The following ATRNL1 variants were observed in gnomAD, a reference collection of about 807,000 sequenced individuals.
ATRNL1 encodes the protein attractin like 1.
ATRNL1 carries 95 observed loss-of-function variants against 182.7 expected under a neutral mutation model. The ratio of observed to expected loss-of-function variants is 0.52; its 90% confidence interval spans 0.44 to 0.62. The LOEUF is 0.62. ATRNL1 is among the 20% of genes least tolerant of loss of function. The pLI, the probability that ATRNL1 is intolerant of heterozygous loss-of-function variation, is 0.00. For missense variants in ATRNL1, 1,471 were observed against 1,679.5 expected, an observed-to-expected ratio of 0.88 and a Z score of 2.17; for synonymous variants, 576 against 568.3, an observed-to-expected ratio of 1.01 and a Z score of -0.19.
chr10:115,933,327 C>T (rs1258206412), intron 28 of ATRNL1, among the ~76,000 whole-genome samples: 2 of 152,204 alleles, frequency 1.3e-5, no homozygotes, highest in African/African-American at 2.4e-5. Context: ...AAATACAAAC[C>T]ATAGCTGGTA....
At chr10:115,240,952 A>C (rs1294546920) in intron 9 of ATRNL1, among the ~76,000 whole-genome samples, 3 of 152,068 alleles carry the variant, frequency 2.0e-5, no homozygotes, top group Non-Finnish European at 2.9e-5. Context: ...CAATGAGTGC[A>C]ATCTATAGAC....
At chr10:115,610,907 T>C (rs1857120822) in intron 26 of ATRNL1, among the ~76,000 whole-genome samples, 1 of 152,184 alleles carries the variant, frequency 6.6e-6, no homozygotes, top group African/African-American at 2.4e-5. Flanking sequence ...ATTGTAACTT[T>C]AAATTAATAA....
At chr10:115,151,032 C>T (rs1846201674) in intron 5 of ATRNL1, among the ~76,000 whole-genome samples, 1 of 152,194 alleles carries the variant, frequency 6.6e-6, no homozygotes, top group Non-Finnish European at 1.5e-5. Context: ...TCATCCATGT[C>T]CCTACAAAGG....
At chr10:115,300,384 T>G (rs898337173) in intron 16 of ATRNL1, 137 bp downstream of exon 16, 14 of 628,120 alleles carry the variant, frequency 2.2e-5, no homozygotes, top group Admixed American at 7.0e-5. Flanking sequence ...CCCCACTTAC[T>G]ATTAGTGATC....
intron 25 of ATRNL1, among the ~76,000 whole-genome samples, chr10:115,544,181 T>A (rs1852517370): frequency 6.6e-6 from 1 of 152,154 alleles, no homozygotes; most frequent in Non-Finnish European, 1.5e-5. Context: ...ATGATACCCA[T>A]TAAACCCTTT....
intron 21 of ATRNL1, among the ~76,000 whole-genome samples, chr10:115,433,474 C>G (rs1462953525): frequency 2.0e-5 from 3 of 152,074 alleles, no homozygotes; most frequent in South Asian, 2.1e-4. Context: ...GCAGAGTGAT[C>G]TTAATAAACA....
chr10:115,296,562 C>T (rs1248017437), intron 15 of ATRNL1, among the ~76,000 whole-genome samples: 5 of 152,150 alleles, frequency 3.3e-5, no homozygotes, highest in Non-Finnish European at 7.3e-5. Context: ...CAGTTTCTGT[C>T]TATACAGCCA....
At chr10:115,491,827 G>A (rs1247269434) in intron 24 of ATRNL1, among the ~76,000 whole-genome samples, 3 of 152,120 alleles carry the variant, frequency 2.0e-5, no homozygotes, top group Non-Finnish European at 4.4e-5. Context: ...CTCAGTGTCT[G>A]CCCAAATGGC....
At position 115,315,605 on chromosome 10, in the gene ATRNL1, G is replaced by T. The variant is rs371749221; in HGVS notation, c.2906G>T (p.Arg969Ile). The change falls in exon 18 of 29, where the codon AGA (arginine) becomes ATA (isoleucine). Residue 969 changes from arginine (R) to isoleucine (I), a missense_variant. Transcript: ENST00000355044. ...GWCNDPSNTGRGHCIEGSSRG... is the reference protein window; with the variant it reads ...GWCNDPSNTGIGHCIEGSSRG... ...TGCAATGATCCTAGTAATACAGGAA[G>T]AGGACATTGCATTGAAGGTTCTTCA... The T allele has an allele frequency of 1.2e-6, 2 of 1,613,784 alleles. No individual in the cohort carries two copies. Among genetic ancestry groups the T allele is most frequent in the African/African-American group, 2.7e-5 (2 of 74,908 alleles).
At chr10:115,310,380 C>T (rs1477535439) in intron 17 of ATRNL1, among the ~76,000 whole-genome samples, 1 of 151,898 alleles carries the variant, frequency 6.6e-6, no homozygotes, top group Non-Finnish European at 1.5e-5. Flanking sequence ...TTTCCTATTT[C>T]TCAGTCTTTT....
At chr10:115,506,553 C>T (rs1554981332) in intron 24 of ATRNL1, among the ~76,000 whole-genome samples, 1 of 152,106 alleles carries the variant, frequency 6.6e-6, no homozygotes. Flanking sequence ...CTGAACTCAT[C>T]TTCCCTGCTG....
chr10:115,364,168 A>ATTTG (rs1856900186), intron 19 of ATRNL1, among the ~76,000 whole-genome samples: 1 of 142,288 alleles, frequency 7.0e-6, no homozygotes, highest in African/African-American at 2.6e-5. Context: ...ATGTTCTTCC[A>ATTTG]TTTGTTTGTA....
At chr10:115,943,046 A>G (rs1953775628) in intron 28 of ATRNL1, among the ~76,000 whole-genome samples, 2 of 152,226 alleles carry the variant, frequency 1.3e-5, no homozygotes, top group Admixed American at 6.5e-5. Flanking sequence ...TAAATTACCT[A>G]TGATAGCTAC....
intron 27 of ATRNL1, among the ~76,000 whole-genome samples, chr10:115,824,826 C>T (rs1462271800): frequency 3.3e-5 from 5 of 152,154 alleles, no homozygotes; most frequent in African/African-American, 1.2e-4. Flanking sequence ...TAAATTAGTT[C>T]AGCCATTGTG....
At chr10:115,133,887 A>C (rs1194152522) in intron 5 of ATRNL1, among the ~76,000 whole-genome samples, 1 of 150,882 alleles carries the variant, frequency 6.6e-6, no homozygotes, top group South Asian at 2.1e-4. Context: ...CTCAGGATTA[A>C]GAAACTCACT....
At chr10:115,741,192 T>C (rs1376256569) in intron 27 of ATRNL1, among the ~76,000 whole-genome samples, 1 of 152,096 alleles carries the variant, frequency 6.6e-6, no homozygotes, top group Non-Finnish European at 1.5e-5. Flanking sequence ...AATAAAAATA[T>C]GTTATTAATG....
chr10:115,806,030 C>T (rs978819551), intron 27 of ATRNL1, among the ~76,000 whole-genome samples: 38 of 152,174 alleles, frequency 2.5e-4, no homozygotes, highest in African/African-American at 9.1e-4. Flanking sequence ...ATAGTTTATA[C>T]AGTCTCTTGC....
chr10:115,512,211 T>G (rs1554982813), intron 24 of ATRNL1, among the ~76,000 whole-genome samples: 1 of 151,902 alleles, frequency 6.6e-6, no homozygotes, highest in Non-Finnish European at 1.5e-5. Flanking sequence ...GTCATAAATA[T>G]CCCATACCCT....
chr10:115,695,396 ATATTTC>A (rs1946526221), intron 26 of ATRNL1, among the ~76,000 whole-genome samples: 1 of 152,184 alleles, frequency 6.6e-6, no homozygotes, highest in Middle Eastern at 3.2e-3. Context: ...TTTATAAATA[ATATTTC>A]AACATTCTTT....
Sources: gnomAD v4.1 joint callset for allele counts (sites outside exome capture counted in the v4.1 genomes callset) on GRCh38, gnomAD v4.1.1 for gene constraint, MANE v1.5 for transcripts, NCBI Gene and HGNC (gene_info 2026-07-23, HGNC 2026-07-21) for gene names.